Variants in COL4A1 observed in about 807,000 individuals in gnomAD.
COL4A1 encodes the protein collagen alpha-1(IV) chain.
A neutral mutation model predicts 216.6 loss-of-function variants in COL4A1; 40 were observed. The observed-to-expected ratio is 0.18, with a 90% CI of 0.14 to 0.24. The LOEUF (loss-of-function observed/expected upper bound fraction) is 0.24. COL4A1 is among the 10% of genes least tolerant of loss of function. COL4A1 has a pLI of 1.00. For synonymous variants in COL4A1, 839 were observed against 810.7 expected, an observed-to-expected ratio of 1.03 and a Z score of -0.59; for missense variants, 1,628 against 2,196.8, an observed-to-expected ratio of 0.74 and a Z score of 5.18.
At chr13:110,260,382 C>A (rs756615598) in intron 1 of COL4A1, among the ~76,000 whole-genome samples, 5 of 152,146 alleles carry the variant, frequency 3.3e-5, no homozygotes, top group Admixed American at 6.5e-5. Flanking sequence ...ACCCTTAGCA[C>A]GTGGGGATTA....
chr13:110,278,673 C>T (rs1449569947), intron 1 of COL4A1, among the ~76,000 whole-genome samples: 1 of 152,120 alleles, frequency 6.6e-6, no homozygotes, highest in African/African-American at 2.4e-5. Flanking sequence ...CAAATATGCT[C>T]CTGATTGATT....
At chr13:110,235,395 A>C (rs953290634) in intron 2 of COL4A1, among the ~76,000 whole-genome samples, 8 of 152,220 alleles carry the variant, frequency 5.3e-5, no homozygotes, top group Admixed American at 3.3e-4. Flanking sequence ...TCACGCCTGT[A>C]ATCCCAGCAC....
intron 1 of COL4A1, among the ~76,000 whole-genome samples, chr13:110,304,589 T>C (rs1884612467): frequency 6.6e-6 from 1 of 152,220 alleles, no homozygotes; most frequent in Non-Finnish European, 1.5e-5. Context: ...GCCTGCAAGC[T>C]ATTCCTCCTT....
At chr13:110,301,306 A>G (rs1884482048) in intron 1 of COL4A1, among the ~76,000 whole-genome samples, 1 of 152,232 alleles carries the variant, frequency 6.6e-6, no homozygotes, top group Admixed American at 6.5e-5. Flanking sequence ...TTAATTCCTG[A>G]TTTCCTCCTC....
rs1882536586 is a variant in COL4A1, at chr13:110,255,908, G to GAAGGCAGGAAGGGAGGGGA, written c.85-13175_85-13174insTCCCCTCCCTTCCTGCCTT. Among the ~76,000 whole-genome samples the GAAGGCAGGAAGGGAGGGGA allele has an allele frequency of 1.9e-5, 2 of 104,528 alleles. 1 individual carries two copies. The highest frequency in any genetic ancestry group is 3.9e-5 in the Non-Finnish European group (2 of 51,112). The allele number at this position is 104,528 out of a possible 152,430, so 68.6% of individuals were successfully genotyped here. ...GAGGGGGAAGGCAGGAAGGGAGGGG[G>GAAGGCAGGAAGGGAGGGGA]AAGGCAGGAAGGGAGGGGGAAGGAG... On this transcript the variant is annotated intron_variant, in intron 1 of 51. Coordinates refer to ENST00000375820, the MANE Select transcript of COL4A1 (RefSeq NM_001845.6).
intron 41 of COL4A1, among the ~76,000 whole-genome samples, chr13:110,172,072 C>T (rs1297622617): frequency 6.6e-6 from 1 of 152,246 alleles, no homozygotes; most frequent in Non-Finnish European, 1.5e-5. Context: ...CCAGGGCTTT[C>T]TGAATCCTCC....
chr13:110,209,710 A>G, intron 10 of COL4A1: 1 of 696,596 alleles, frequency 1.4e-6, no homozygotes, highest in South Asian at 1.6e-5. Flanking sequence ...GACTATCAGC[A>G]GTACCCCGCC....
intron 2 of COL4A1, among the ~76,000 whole-genome samples, chr13:110,219,949 TACACATACATAC>T (rs1880388532): frequency 2.7e-4 from 24 of 88,604 alleles, no homozygotes; most frequent in Admixed American, 7.9e-4. Flanking sequence ...TGTGTATATA[TACACATACATAC>T]ATATACATAT....
chr13:110,218,330 A>T (rs952689031), intron 2 of COL4A1, among the ~76,000 whole-genome samples: 5 of 152,172 alleles, frequency 3.3e-5, no homozygotes, highest in Admixed American at 6.5e-5. Context: ...ACACACAGAG[A>T]TGCTGCCAGC....
chr13:110,177,476 G>A (rs1308704189), intron 33 of COL4A1, among the ~76,000 whole-genome samples: 4 of 152,142 alleles, frequency 2.6e-5, no homozygotes, highest in South Asian at 4.1e-4. Context: ...TTCAAATAAC[G>A]ATAAGAAATA....
At chr13:110,257,529 T>C (rs529978336) in intron 1 of COL4A1, among the ~76,000 whole-genome samples, 21 of 152,178 alleles carry the variant, frequency 1.4e-4, no homozygotes, top group Admixed American at 1.3e-4. Flanking sequence ...CAGAGAAAAG[T>C]TGAACTTTTG....
Position 110,307,078 on chromosome 13 carries a change from C to A in COL4A1, c.-51G>T. On this transcript the variant is annotated 5_prime_UTR_variant, in exon 1 of 52. Transcript: ENST00000375820. The surrounding 1 kb of genome is among the most constrained non-coding windows in gnomAD (Gnocchi z 5.0). ...ACGGCTGCCCGGCGTGCGGGGGCCG[C>A]GGCGGACAGCTAGCTCTCGGAAGGC... 1 of 1,361,852 alleles carries A rather than the reference C, an allele frequency of 7.3e-7. No homozygotes were observed. The highest frequency in any genetic ancestry group is 9.6e-7 in the Non-Finnish European group (1 of 1,044,666). 84.4% of individuals were successfully genotyped at this position (1,361,852 alleles called of 1,614,324 possible). A position where few individuals can be genotyped will look rare whatever the true frequency, so the allele number is the denominator to read the frequency against.
intron 1 of COL4A1, among the ~76,000 whole-genome samples, chr13:110,296,534 A>T (rs567447936): frequency 5.9e-5 from 9 of 152,232 alleles, no homozygotes; most frequent in Non-Finnish European, 1.0e-4. Flanking sequence ...GAGGCACAAC[A>T]GTTTTTCCTC....
At chr13:110,273,118 G>A (rs1883303678) in intron 1 of COL4A1, among the ~76,000 whole-genome samples, 1 of 152,242 alleles carries the variant, frequency 6.6e-6, no homozygotes. Flanking sequence ...GAGAGCAAGT[G>A]CTTTCAGATC....
chr13:110,162,666 A>G (rs1449592462), intron 47 of COL4A1, among the ~76,000 whole-genome samples: 1 of 152,112 alleles, frequency 6.6e-6, no homozygotes, highest in African/African-American at 2.4e-5. Context: ...CCACCTCAAG[A>G]TATTTTTATA....
At chr13:110,299,122 G>A (rs76494909) in intron 1 of COL4A1, among the ~76,000 whole-genome samples, 1 of 152,208 alleles carries the variant, frequency 6.6e-6, no homozygotes. Flanking sequence ...CAAAGAGAAC[G>A]GGGAGGGCCA....
At chr13:110,272,383 C>T (rs1468765429) in intron 1 of COL4A1, among the ~76,000 whole-genome samples, 1 of 152,200 alleles carries the variant, frequency 6.6e-6, no homozygotes, top group Non-Finnish European at 1.5e-5. Flanking sequence ...ATATAGTGGA[C>T]TCAAAATTGA....
intron 1 of COL4A1, among the ~76,000 whole-genome samples, chr13:110,306,495 T>A (rs1741105493): frequency 6.6e-6 from 1 of 152,130 alleles, no homozygotes. Flanking sequence ...CGCCCAAAGC[T>A]GCTCCCAGGG....
chr13:110,242,812 G>T, intron 1 of COL4A1, 78 bp from the exon 2 acceptor site: 1 of 1,474,788 alleles, frequency 6.8e-7, no homozygotes, highest in South Asian at 1.1e-5. Context: ...GATGGTTCTG[G>T]CATCTTGACT....
Sources: allele counts gnomAD v4.1 joint callset (sites outside exome capture counted in the v4.1 genomes callset), GRCh38; gene constraint gnomAD v4.1.1; non-coding constraint Gnocchi (gnomAD v3.1); transcripts MANE v1.5; gene names NCBI Gene and HGNC (gene_info 2026-07-23, HGNC 2026-07-21).